PTPRD: variants seen among roughly 807,000 people sequenced by gnomAD.
The protein encoded by PTPRD is protein tyrosine phosphatase receptor type D.
Under a neutral mutation model 214.5 loss-of-function variants are expected in PTPRD, and 34 were observed. The observed-to-expected ratio is 0.16, with a 90% CI of 0.12 to 0.21. The LOEUF is 0.21. Ranked by LOEUF, PTPRD falls within the 10% of genes least tolerant of loss-of-function variation. The pLI, the probability that PTPRD is intolerant of heterozygous loss-of-function variation, is 1.00. For missense variants in PTPRD, 2,545 were observed against 2,398.7 expected, an observed-to-expected ratio of 1.06 and a Z score of -1.27; for synonymous variants, 1,128 against 845.7, an observed-to-expected ratio of 1.33 and a Z score of -5.79.
chr9:9,834,597 T>C (rs1000759705), intron 5 of PTPRD, among the ~76,000 whole-genome samples: 4 of 152,092 alleles, frequency 2.6e-5, no homozygotes, highest in Non-Finnish European at 5.9e-5. Flanking sequence ...CATCAGTTTC[T>C]GAAATAAGTA....
At chr9:8,684,223 T>C (rs16928259) in intron 12 of PTPRD, among the ~76,000 whole-genome samples, 11,224 of 152,266 alleles carry the variant, frequency 0.074, 1,018 homozygotes, top group African/African-American at 0.21. Flanking sequence ...ACACTCCCAA[T>C]GTGATTGCCA....
At chr9:8,660,050 T>A (rs1325105268) in intron 12 of PTPRD, among the ~76,000 whole-genome samples, 1 of 152,226 alleles carries the variant, frequency 6.6e-6, no homozygotes, top group Non-Finnish European at 1.5e-5. Flanking sequence ...GGTACAAAAA[T>A]GTGTAACATA....
intron 2 of PTPRD, among the ~76,000 whole-genome samples, chr9:10,501,261 T>A (rs833444): frequency 6.6e-6 from 1 of 151,946 alleles, no homozygotes. Flanking sequence ...TATCTCATTG[T>A]AGTCTTGATT....
At chr9:9,988,240 G>C (rs564928901) in intron 4 of PTPRD, among the ~76,000 whole-genome samples, 12 of 152,186 alleles carry the variant, frequency 7.9e-5, no homozygotes, top group Non-Finnish European at 1.5e-4. Flanking sequence ...AAATATTTTT[G>C]CACATATTGA....
chr9:9,865,462 G>A (rs1416091259), intron 5 of PTPRD, among the ~76,000 whole-genome samples: 2 of 152,102 alleles, frequency 1.3e-5, no homozygotes, highest in Non-Finnish European at 2.9e-5. Flanking sequence ...CAGCCCCTTT[G>A]CCATGTGACA....
chr9:9,385,089 G>A (rs1175499651), intron 9 of PTPRD, among the ~76,000 whole-genome samples: 1 of 152,032 alleles, frequency 6.6e-6, no homozygotes, highest in Non-Finnish European at 1.5e-5. Flanking sequence ...AACAAACACA[G>A]GTCTTCCAAC....
intron 14 of PTPRD, among the ~76,000 whole-genome samples, chr9:8,616,219 G>C (rs937447319): frequency 5.9e-5 from 9 of 152,064 alleles, no homozygotes; most frequent in African/African-American, 2.2e-4. Flanking sequence ...ATCAATTGAA[G>C]TGCAACGGGC....
rs551954985 is a variant in PTPRD at position 8,500,659 on chromosome 9, T to C, written c.2128+95A>G. 15 of 1,200,106 alleles carry C rather than the reference T, an allele frequency of 1.2e-5. No homozygotes were observed. In the East Asian group the frequency reaches 1.4e-4, roughly 11 times the overall value. The allele number at this position is 1,200,106 out of a possible 1,614,324, so 74.3% of individuals were successfully genotyped here. On this transcript the variant is annotated intron_variant, in intron 24 of 45. Transcript: ENST00000381196. ...GTAACAGCAATGCTGGGTAAAAAGATGAGCAGAGAAAAAAGATTACTGTGA... is the reference window on the plus strand; with the variant it reads ...GTAACAGCAATGCTGGGTAAAAAGACGAGCAGAGAAAAAAGATTACTGTGA...
At chr9:8,351,145 G>A (rs988459174) in intron 39 of PTPRD, among the ~76,000 whole-genome samples, 2 of 152,010 alleles carry the variant, frequency 1.3e-5, no homozygotes, top group African/African-American at 2.4e-5. Context: ...AGAATGAAGC[G>A]AATCCATGTA....
intron 9 of PTPRD, among the ~76,000 whole-genome samples, chr9:9,305,342 A>T (rs934169885): frequency 6.6e-6 from 1 of 152,124 alleles, no homozygotes; most frequent in Admixed American, 6.6e-5. Flanking sequence ...ATGTTTAAAC[A>T]GAAGACAGTA....
chr9:8,869,969 G>A (rs552359538), intron 11 of PTPRD, among the ~76,000 whole-genome samples: 47 of 152,136 alleles, frequency 3.1e-4, no homozygotes, highest in East Asian at 2.9e-3. Flanking sequence ...GTAATTACAC[G>A]AAATTTGTAC....
At chr9:9,958,037 A>G (rs2094075955) in intron 4 of PTPRD, among the ~76,000 whole-genome samples, 1 of 152,198 alleles carries the variant, frequency 6.6e-6, no homozygotes, top group Non-Finnish European at 1.5e-5. Flanking sequence ...TGTAAGAGAG[A>G]GAATCTAGAC....
At chr9:8,731,153 A>G (rs188993614) in intron 12 of PTPRD, among the ~76,000 whole-genome samples, 9 of 152,328 alleles carry the variant, frequency 5.9e-5, no homozygotes, top group South Asian at 2.1e-4. Flanking sequence ...ATGACATTCT[A>G]TACAGCAGAT....
intron 11 of PTPRD, among the ~76,000 whole-genome samples, chr9:8,933,781 G>A (rs1437844541): frequency 6.6e-6 from 1 of 152,048 alleles, no homozygotes; most frequent in African/African-American, 2.4e-5. Flanking sequence ...AACACGTTTG[G>A]TAGCATTTTG....
intron 3 of PTPRD, among the ~76,000 whole-genome samples, chr9:10,113,691 C>A (rs1057226841): frequency 1.3e-5 from 2 of 152,056 alleles, no homozygotes; most frequent in African/African-American, 4.8e-5. Flanking sequence ...TTGGCAAACA[C>A]CAAATGGGGT....
chr9:10,578,109 C>A (rs938345949), intron 2 of PTPRD, among the ~76,000 whole-genome samples: 1 of 151,846 alleles, frequency 6.6e-6, no homozygotes, highest in African/African-American at 2.4e-5. Context: ...GGGGTTTCAC[C>A]TTGTTGGTTA....
intron 3 of PTPRD, among the ~76,000 whole-genome samples, chr9:10,134,244 C>T (rs2098925309): frequency 6.6e-6 from 1 of 152,178 alleles, no homozygotes; most frequent in African/African-American, 2.4e-5. Context: ...TCCTGGTGAC[C>T]TTATCTTTGG....
chr9:8,965,040 T>A (rs990799811), intron 11 of PTPRD, among the ~76,000 whole-genome samples: 2 of 152,072 alleles, frequency 1.3e-5, no homozygotes. Flanking sequence ...TGCATGTAGA[T>A]GTCTATTAAG....
intron 8 of PTPRD, among the ~76,000 whole-genome samples, chr9:9,460,162 C>A (rs111994979): frequency 0.028 from 4,307 of 151,862 alleles, 215 homozygotes; most frequent in African/African-American, 0.099. Context: ...AGTGAAATGA[C>A]CCCTATTTCT....
Sources: gnomAD v4.1 joint callset for allele counts (sites outside exome capture counted in the v4.1 genomes callset) on GRCh38, gnomAD v4.1.1 for gene constraint, MANE v1.5 for transcripts, NCBI Gene and HGNC (gene_info 2026-07-23, HGNC 2026-07-21) for gene names.